The following PACSIN2 variants were observed in gnomAD, a reference collection of about 807,000 sequenced individuals.
PACSIN2 encodes protein kinase C and casein kinase substrate in neurons protein 2.
PACSIN2 carries 25 observed loss-of-function variants against 63.8 expected under a neutral mutation model. That is an observed-to-expected ratio of 0.39 (90% CI 0.29 to 0.55). The LOEUF is 0.55. Among genes scored for constraint, PACSIN2 ranks in the 20% least tolerant of loss-of-function variants. PACSIN2 has a pLI of 0.62. For missense variants in PACSIN2, 518 were observed against 646.9 expected, an observed-to-expected ratio of 0.80 and a Z score of 2.16; for synonymous variants, 255 against 256.2, an observed-to-expected ratio of 1.00 and a Z score of 0.05.
In PACSIN2 at chr22:42,876,269, G is replaced by A. The variant is rs1341724272; in HGVS notation, c.1216C>T (p.Pro406Ser). ...CCATTGGCATCCGTGGAGGAGAAGGGGTTGTTAGACTCATCGTCTGACCAG... is the reference window on the plus strand; with the variant it reads ...CCATTGGCATCCGTGGAGGAGAAGGAGTTGTTAGACTCATCGTCTGACCAG... ...TDWSDDESNN[P>S]FSSTDANGDS... Residue 406 changes from proline (P) to serine (S), a missense_variant, in exon 10 of 11, where the codon CCC becomes TCC. Coordinates refer to ENST00000263246, the MANE Select transcript of PACSIN2 (RefSeq NM_001184970.3). 1 of 1,614,204 alleles carries A rather than the reference G, an allele frequency of 6.2e-7. No homozygotes were observed. The highest frequency in any genetic ancestry group is 8.5e-7 in the Non-Finnish European group (1 of 1,180,032).
Position 42,982,461 on chromosome 22 carries a change from AATCGGATGG to A in PACSIN2, c.-78+32551_-78+32559del, listed in dbSNP as rs1184477888. ...GGGAAGGGTGGGGAAAAAATTGAGA[AATCGGATGG>A]TTGCCGGGTCTGTGTGGATAGAAGT... On this transcript the variant is annotated intron_variant, in intron 1 of 10. Coordinates refer to ENST00000263246, the MANE Select transcript of PACSIN2 (RefSeq NM_001184970.3). 6.5e-4 allele frequency among the ~76,000 whole-genome samples: 56 copies of A among 85,642 alleles called. 1 individual carries two copies. Among genetic ancestry groups the A allele is most frequent in the Middle Eastern group, 9.4e-3 (2 of 212 alleles). 56.2% of individuals were successfully genotyped at this position (85,642 alleles called of 152,430 possible). A position where few individuals can be genotyped will look rare whatever the true frequency, so the allele number is the denominator to read the frequency against.
At chr22:42,876,834 GGA>G in intron 9 of PACSIN2, 52 bp downstream of exon 9, 1 of 1,611,328 alleles carries the variant, frequency 6.2e-7, no homozygotes, top group Non-Finnish European at 8.5e-7. Flanking sequence ...CAGAGAGAGA[GGA>G]AGAGAGACAG....
At chr22:42,998,784 T>C (rs145527779) in intron 1 of PACSIN2, among the ~76,000 whole-genome samples, 2 of 152,124 alleles carry the variant, frequency 1.3e-5, no homozygotes, top group Non-Finnish European at 2.9e-5. Flanking sequence ...CAGCCCACCA[T>C]GTCCCCCATC....
chr22:42,906,789 C>A (rs1246414492), intron 2 of PACSIN2, among the ~76,000 whole-genome samples: 1 of 152,166 alleles, frequency 6.6e-6, no homozygotes, highest in Non-Finnish European at 1.5e-5. Context: ...GAACCTTAAA[C>A]GAAGATTACG....
intron 1 of PACSIN2, among the ~76,000 whole-genome samples, chr22:43,006,525 A>G (rs1924101024): frequency 6.6e-6 from 1 of 152,292 alleles, no homozygotes; most frequent in Non-Finnish European, 1.5e-5. Context: ...CCATATGGAA[A>G]GAGAAACAGC....
rs1254415806 is a variant in PACSIN2, at chr22:42,879,033, G to A, written c.1028+15C>T. The A allele has an allele frequency of 5.0e-6, 8 of 1,610,488 alleles. No individual in the cohort carries two copies. The South Asian group carries it at 6.6e-5, about 13-fold the overall frequency. On this transcript the variant is annotated intron_variant, in intron 8 of 10. Transcript: ENST00000263246. ...ATGGAACGGCCTCTTTTGGATGGAG[G>A]TGGCGCCCACTCACCTGCTGGGCTT...
intron 2 of PACSIN2, among the ~76,000 whole-genome samples, chr22:42,903,164 G>A (rs574063730): frequency 5.9e-5 from 9 of 152,260 alleles, no homozygotes; most frequent in African/African-American, 1.9e-4. Flanking sequence ...GCCAACCCAC[G>A]TCCCAGGCAG....
At chr22:42,999,341 G>T (rs915201812) in intron 1 of PACSIN2, among the ~76,000 whole-genome samples, 6 of 151,224 alleles carry the variant, frequency 4.0e-5, no homozygotes, top group Non-Finnish European at 5.9e-5. Flanking sequence ...AATGTCTAAT[G>T]TGTGTGTGTA....
rs1927979855 is a variant in PACSIN2, at chr22:42,870,087, G to C, written c.*1270C>G. The C allele has an allele frequency of 1.3e-5, 2 of 151,766 alleles. No individual in the cohort carries two copies. Among genetic ancestry groups the C allele is most frequent in the African/African-American group, 4.8e-5 (2 of 41,270 alleles). 9.4% of individuals were successfully genotyped at this position (151,766 alleles called of 1,614,324 possible). A position where few individuals can be genotyped will look rare whatever the true frequency, so the allele number is the denominator to read the frequency against. ...CCGCGTAACTCTGGCTGCAGCACCT[G>C]CTCCCGGGCGACTCCGGGCAGCCCG... is the stretch of plus-strand genomic sequence containing the variant. On this transcript the variant is annotated 3_prime_UTR_variant, in exon 11 of 11. Coordinates refer to ENST00000263246, the MANE Select transcript of PACSIN2 (RefSeq NM_001184970.3).
chr22:42,879,723 G>C (rs1474832202), intron 7 of PACSIN2, among the ~76,000 whole-genome samples: 1 of 152,210 alleles, frequency 6.6e-6, no homozygotes, highest in Non-Finnish European at 1.5e-5. Flanking sequence ...GAGCAAGCCT[G>C]CCATGTGGAA....
At chr22:43,010,398 A>ATATATATATTTTTTTTTTTTT in intron 1 of PACSIN2, among the ~76,000 whole-genome samples, 2 of 126,394 alleles carry the variant, frequency 1.6e-5, no homozygotes, top group Non-Finnish European at 3.4e-5. Context: ...ATATATATAT[A>ATATATATATTTTTTTTTTTTT]TTTTTTTTTA....
intron 1 of PACSIN2, among the ~76,000 whole-genome samples, chr22:42,924,493 C>T (rs1454311768): frequency 6.6e-6 from 1 of 152,140 alleles, no homozygotes; most frequent in Non-Finnish European, 1.5e-5. Flanking sequence ...CAAGGCAGAC[C>T]ACATTGCTGC....
intron 1 of PACSIN2, among the ~76,000 whole-genome samples, chr22:42,962,075 G>A (rs1355531254): frequency 6.6e-6 from 1 of 152,088 alleles, no homozygotes; most frequent in East Asian, 1.9e-4. Flanking sequence ...CTGAGTTCTG[G>A]GGAAGCAAGT....
chr22:43,007,949 T>A (rs909668630), intron 1 of PACSIN2, among the ~76,000 whole-genome samples: 2 of 151,952 alleles, frequency 1.3e-5, no homozygotes, highest in African/African-American at 4.8e-5. Context: ...GGGAGTGAAA[T>A]GAAAATAAAA....
At chr22:42,925,712 T>C (rs1479197772) in intron 1 of PACSIN2, among the ~76,000 whole-genome samples, 2 of 152,234 alleles carry the variant, frequency 1.3e-5, no homozygotes, top group African/African-American at 2.4e-5. Context: ...ATAACTCTAA[T>C]GGTTAGAATT....
At chr22:42,877,127 G>A in intron 8 of PACSIN2, 117 bp from the exon 9 acceptor site, 1 of 1,115,070 alleles carries the variant, frequency 9.0e-7, no homozygotes. Context: ...GACCGGAGGG[G>A]ACCGTGGTGT....
At chr22:42,949,181 C>A (rs1213972885) in intron 1 of PACSIN2, among the ~76,000 whole-genome samples, 1 of 152,206 alleles carries the variant, frequency 6.6e-6, no homozygotes, top group Non-Finnish European at 1.5e-5. Context: ...TTCTAAGCTA[C>A]CTTCTTACCA....
chr22:42,954,758 A>T (rs1050925327), intron 1 of PACSIN2, among the ~76,000 whole-genome samples: 1 of 152,196 alleles, frequency 6.6e-6, no homozygotes, highest in Non-Finnish European at 1.5e-5. Context: ...TCCAAGAGGA[A>T]AAACAGACAG....
chr22:42,879,854 C>G (rs1928938532), intron 7 of PACSIN2, among the ~76,000 whole-genome samples: 1 of 152,194 alleles, frequency 6.6e-6, no homozygotes, highest in African/African-American at 2.4e-5. Context: ...GCGCAGGGCC[C>G]TCCCCAGTGT....
Sources: gnomAD v4.1 joint callset for allele counts (sites outside exome capture counted in the v4.1 genomes callset) on GRCh38, gnomAD v4.1.1 for gene constraint, MANE v1.5 for transcripts, NCBI Gene and HGNC (gene_info 2026-07-23, HGNC 2026-07-21) for gene names.